Variants in DOCK3 observed in about 807,000 individuals in gnomAD.
DOCK3 encodes the protein dedicator of cytokinesis protein 3.
A neutral mutation model predicts 265.6 loss-of-function variants in DOCK3; 60 were observed. That is an observed-to-expected ratio of 0.23 (90% CI 0.18 to 0.28). DOCK3 has a LOEUF of 0.28. DOCK3 is among the 10% of genes least tolerant of loss of function. DOCK3 has a pLI of 1.00. For missense variants in DOCK3, 1,981 were observed against 2,594.3 expected, an observed-to-expected ratio of 0.76 and a Z score of 5.14; for synonymous variants, 881 against 938.0, an observed-to-expected ratio of 0.94 and a Z score of 1.11.
intron 10 of DOCK3, among the ~76,000 whole-genome samples, chr3:51,157,083 T>G (rs980941424): frequency 1.3e-5 from 2 of 152,198 alleles, no homozygotes; most frequent in East Asian, 1.9e-4. Context: ...AAATGGGGCC[T>G]GAAACATCCT....
intron 2 of DOCK3, among the ~76,000 whole-genome samples, chr3:50,821,401 G>A (rs2044420552): frequency 1.3e-5 from 2 of 151,858 alleles, no homozygotes; most frequent in South Asian, 2.1e-4. Flanking sequence ...CCGGGTTCAC[G>A]CCATTCTCCT....
chr3:50,963,893 C>G (rs1198213789), intron 5 of DOCK3, among the ~76,000 whole-genome samples: 1 of 152,156 alleles, frequency 6.6e-6, no homozygotes, highest in Non-Finnish European at 1.5e-5. Flanking sequence ...GAGGAGAGAG[C>G]TTCAAGAGAC....
chr3:51,094,517 C>T (rs1397740853), intron 9 of DOCK3, among the ~76,000 whole-genome samples: 1 of 151,818 alleles, frequency 6.6e-6, no homozygotes, highest in African/African-American at 2.4e-5. Flanking sequence ...GGTGATATCC[C>T]CTTTATCATT....
chr3:50,807,092 A>G (rs2043468731), intron 2 of DOCK3, among the ~76,000 whole-genome samples: 1 of 152,146 alleles, frequency 6.6e-6, no homozygotes, highest in South Asian at 2.1e-4. Context: ...TTCGGAATCC[A>G]GTCACCACAG....
At chr3:51,126,356 T>G (rs1359986907) in intron 9 of DOCK3, among the ~76,000 whole-genome samples, 5 of 152,198 alleles carry the variant, frequency 3.3e-5, no homozygotes, top group Non-Finnish European at 7.4e-5. Context: ...AACATTGCTT[T>G]TTTGGCATCG....
At chr3:50,730,752 G>T (rs1452085573) in intron 1 of DOCK3, among the ~76,000 whole-genome samples, 1 of 151,864 alleles carries the variant, frequency 6.6e-6, no homozygotes, top group African/African-American at 2.4e-5. Context: ...AATTGCTTGA[G>T]CCCAAGAGTT....
At chr3:51,181,752 CA>C (rs2087309062) in intron 12 of DOCK3, among the ~76,000 whole-genome samples, 1 of 152,056 alleles carries the variant, frequency 6.6e-6, no homozygotes, top group South Asian at 2.1e-4. Flanking sequence ...AGAGGAACTT[CA>C]GAGGTGATAG....
At chr3:50,770,693 G>A (rs1342523846) in intron 1 of DOCK3, among the ~76,000 whole-genome samples, 1 of 152,112 alleles carries the variant, frequency 6.6e-6, no homozygotes, top group Non-Finnish European at 1.5e-5. Context: ...TTCAGATTAT[G>A]CTACATATAG....
intron 5 of DOCK3, among the ~76,000 whole-genome samples, chr3:51,017,020 G>C (rs1388516613): frequency 7.1e-6 from 1 of 141,330 alleles, no homozygotes; most frequent in Non-Finnish European, 1.5e-5. Context: ...TCCTTTCTTT[G>C]CTGGGAGGCT....
intron 40 of DOCK3, among the ~76,000 whole-genome samples, chr3:51,352,778 G>T (rs995587029): frequency 6.6e-5 from 10 of 152,214 alleles, no homozygotes; most frequent in Admixed American, 6.5e-4. Flanking sequence ...TGGGAATCAG[G>T]TACAAAGCAG....
chr3:51,016,003 ATCATATATTTCTACATAATATATATC>A (rs2079187456), intron 5 of DOCK3, among the ~76,000 whole-genome samples: 4 of 17,854 alleles, frequency 2.2e-4, no homozygotes, highest in Non-Finnish European at 3.3e-4. Flanking sequence ...TAATATATAT[ATCATATATTTCTACATAATATATATC>A]ATATATTTCT....
chr3:50,682,470 T>C (rs756960888), intron 1 of DOCK3, among the ~76,000 whole-genome samples: 30 of 152,212 alleles, frequency 2.0e-4, no homozygotes, highest in Non-Finnish European at 3.1e-4. Flanking sequence ...GTTATCTCTG[T>C]AAATCCTTTC....
intron 14 of DOCK3, 28 bp from the exon 15 acceptor site, chr3:51,225,621 T>C (rs762070659): frequency 6.3e-7 from 1 of 1,599,326 alleles, no homozygotes; most frequent in South Asian, 1.1e-5. Flanking sequence ...TCTGGAGTCA[T>C]AAGGATGTGG....
chr3:51,175,761 A>C (rs534715235), intron 12 of DOCK3, among the ~76,000 whole-genome samples: 2 of 152,346 alleles, frequency 1.3e-5, no homozygotes, highest in Admixed American at 1.3e-4. Context: ...CTTTTGGTAC[A>C]GAGAAAAGAA....
intron 15 of DOCK3, 22 bp downstream of exon 15, chr3:51,225,795 T>A: frequency 6.2e-7 from 1 of 1,604,572 alleles, no homozygotes; most frequent in Non-Finnish European, 8.5e-7. Flanking sequence ...CAGTCAGTCA[T>A]TTGGGTTGGA....
chr3:51,277,499 G>A (rs1472061262), intron 25 of DOCK3, 109 bp from the exon 26 acceptor site: 2 of 1,372,338 alleles, frequency 1.5e-6, no homozygotes, highest in Non-Finnish European at 1.9e-6. Flanking sequence ...AGAGCTTGGT[G>A]TTGGGAATCC....
At chr3:50,968,249 C>T (rs1375282427) in intron 5 of DOCK3, among the ~76,000 whole-genome samples, 1 of 152,058 alleles carries the variant, frequency 6.6e-6, no homozygotes, top group South Asian at 2.1e-4. Flanking sequence ...TCACTGCAGC[C>T]TCAAACTCCT....
In DOCK3 at chr3:50,995,627, A is replaced by G. The variant is rs28368540; in HGVS notation, c.315+61550A>G. 2.7e-3 allele frequency among the ~76,000 whole-genome samples: 417 copies of G among 152,328 alleles called. 1 individual carries two copies. The highest frequency in any genetic ancestry group is 9.6e-3 in the African/African-American group (399 of 41,570). On this transcript the variant is annotated intron_variant, in intron 5 of 52. Transcript: ENST00000266037. ...CAATAAAAGATTCTGTCTACTCCCTAACAAGTAGTAAAGACAGTGAGTATT... is the reference window on the plus strand; with the variant it reads ...CAATAAAAGATTCTGTCTACTCCCTGACAAGTAGTAAAGACAGTGAGTATT...
At position 51,381,181 on chromosome 3, in the gene DOCK3, G is replaced by C. The variant is rs782303007; in HGVS notation, c.5715G>C (p.Ser1905=). 2 of 1,613,872 alleles carry C rather than the reference G, an allele frequency of 1.2e-6. No homozygotes were observed. Among genetic ancestry groups the C allele is most frequent in the Admixed American group, 3.3e-5 (2 of 60,016 alleles). The part of the protein sequence containing the change: ...SLSESNFGHS[S]EAPPRTDTMD... ...GTGAGAGTAACTTTGGGCACTCCTC[G>C]GAGGCCCCACCTCGCACTGACACCA... The change falls in exon 53 of 53, where the codon TCG becomes TCC. Residue 1905 remains serine (S), a synonymous_variant. Coordinates refer to ENST00000266037, the MANE Select transcript of DOCK3 (RefSeq NM_004947.5). This position sits in a 1 kb window ranked among gnomAD's most constrained non-coding sequence, Gnocchi z 5.6.
Sources: gnomAD v4.1 joint callset for allele counts (sites outside exome capture counted in the v4.1 genomes callset) on GRCh38, gnomAD v4.1.1 for gene constraint, Gnocchi (gnomAD v3.1) non-coding constraint, MANE v1.5 for transcripts, NCBI Gene and HGNC (gene_info 2026-07-23, HGNC 2026-07-21) for gene names.